Variants in PCBP3 observed in about 807,000 individuals in gnomAD.
The protein encoded by PCBP3 is poly(rC) binding protein 3.
Under a neutral mutation model 52.7 loss-of-function variants are expected in PCBP3, and 25 were observed. The observed-to-expected ratio is 0.47, with a 90% CI of 0.35 to 0.66. The LOEUF is 0.66. Ranked by LOEUF, PCBP3 falls within the 30% of genes least tolerant of loss-of-function variation. The pLI, the probability that PCBP3 is intolerant of heterozygous loss-of-function variation, is 0.01. For missense variants in PCBP3, 391 were observed against 490.3 expected, an observed-to-expected ratio of 0.80 and a Z score of 1.91; for synonymous variants, 162 against 183.0, an observed-to-expected ratio of 0.89 and a Z score of 0.93.
Position 45,668,966 on chromosome 21 carries a change from A to G in PCBP3, c.-200+14A>G, listed in dbSNP as rs1043374205. ...TATCCTCTGGAGGTAATCTATTGCC[A>G]TAAAGGATTTTCCAATTATCCTTAG... On this transcript the variant is annotated intron_variant, in intron 2 of 17. Transcript: ENST00000681687. 2.6e-5 allele frequency: 4 copies of G among 152,196 alleles called. No individual in the cohort carries two copies. Among genetic ancestry groups the G allele is most frequent in the Non-Finnish European group, 4.4e-5 (3 of 68,036 alleles). The allele number at this position is 152,196 out of a possible 1,614,324, so 9.4% of individuals were successfully genotyped here.
chr21:45,700,615 C>T (rs1276890183), intron 2 of PCBP3, among the ~76,000 whole-genome samples: 4 of 152,060 alleles, frequency 2.6e-5, no homozygotes, highest in Non-Finnish European at 4.4e-5. Context: ...TTTTTTTCTC[C>T]ACTGCGCAGT....
intron 4 of PCBP3, among the ~76,000 whole-genome samples, chr21:45,840,313 C>T (rs1422633482): frequency 2.6e-5 from 4 of 151,472 alleles, no homozygotes; most frequent in East Asian, 2.0e-4. Flanking sequence ...AAAAATTAGC[C>T]AGGCATGGTG....
chr21:45,650,866 CA>C (rs201429927), intron 1 of PCBP3, among the ~76,000 whole-genome samples: 2,180 of 152,270 alleles, frequency 0.014, 51 homozygotes, highest in African/African-American at 0.05. Flanking sequence ...CCATTCTGCT[CA>C]CATTTCATTG....
intron 6 of PCBP3, among the ~76,000 whole-genome samples, chr21:45,896,814 C>A (rs1380270935): frequency 6.7e-6 from 1 of 148,820 alleles, no homozygotes; most frequent in African/African-American, 2.5e-5. Context: ...GAAAGGCAGA[C>A]ATGGCACATA....
chr21:45,650,776 C>T (rs1028797736), intron 1 of PCBP3, among the ~76,000 whole-genome samples: 10 of 152,148 alleles, frequency 6.6e-5, no homozygotes, highest in Non-Finnish European at 1.2e-4. Flanking sequence ...AAAATCGATT[C>T]TTAAATGGTC....
chr21:45,713,781 G>A (rs190701487), intron 2 of PCBP3, among the ~76,000 whole-genome samples: 3 of 152,362 alleles, frequency 2.0e-5, no homozygotes, highest in Admixed American at 2.0e-4. Flanking sequence ...GCAGCCATGT[G>A]AGTCTGCTTC....
At chr21:45,893,027 A>T (rs1447295026) in intron 5 of PCBP3, among the ~76,000 whole-genome samples, 1 of 151,994 alleles carries the variant, frequency 6.6e-6, no homozygotes, top group African/African-American at 2.4e-5. Flanking sequence ...GGGAAGCCCC[A>T]TGAGGAGGGA....
chr21:45,670,306 T>G (rs2081092367), intron 2 of PCBP3, among the ~76,000 whole-genome samples: 1 of 152,142 alleles, frequency 6.6e-6, no homozygotes, highest in Non-Finnish European at 1.5e-5. Flanking sequence ...ATTGGGTTGT[T>G]TGGGTTTTTG....
intron 4 of PCBP3, among the ~76,000 whole-genome samples, chr21:45,812,317 T>C (rs1316214844): frequency 6.6e-6 from 1 of 152,188 alleles, no homozygotes; most frequent in Non-Finnish European, 1.5e-5. Context: ...TTATACTGTT[T>C]TCTGTTTTTG....
chr21:45,764,011 GA>G (rs531539523), intron 4 of PCBP3, among the ~76,000 whole-genome samples: 4 of 151,394 alleles, frequency 2.6e-5, no homozygotes, highest in African/African-American at 4.9e-5. Context: ...AACATCTGCA[GA>G]AAAAAAATAG....
At chr21:45,781,775 G>A (rs980782071) in intron 4 of PCBP3, among the ~76,000 whole-genome samples, 2 of 152,212 alleles carry the variant, frequency 1.3e-5, no homozygotes, top group Admixed American at 6.5e-5. Context: ...TGAGTGAAGT[G>A]TATCCATATA....
At chr21:45,923,465 T>C (rs936718800) in intron 13 of PCBP3, among the ~76,000 whole-genome samples, 1 of 152,206 alleles carries the variant, frequency 6.6e-6, no homozygotes, top group African/African-American at 2.4e-5. Context: ...TTTCCTTGCT[T>C]GGAACACCGC....
chr21:45,648,769 C>T (rs2079491382), intron 1 of PCBP3, among the ~76,000 whole-genome samples: 1 of 152,190 alleles, frequency 6.6e-6, no homozygotes, highest in Admixed American at 6.5e-5. Context: ...TCTACCCATA[C>T]TTTGGCCACT....
intron 2 of PCBP3, among the ~76,000 whole-genome samples, chr21:45,714,827 G>T (rs752095638): frequency 2.6e-5 from 4 of 152,104 alleles, no homozygotes; most frequent in Non-Finnish European, 5.9e-5. Flanking sequence ...AGACTATTTT[G>T]GAGGCACGTT....
At chr21:45,882,791 CGT>C (rs1569428318) in intron 5 of PCBP3, among the ~76,000 whole-genome samples, 1 of 152,148 alleles carries the variant, frequency 6.6e-6, no homozygotes, top group African/African-American at 2.4e-5. Flanking sequence ...TGTCCTTCCC[CGT>C]GTGTGTTCCT....
At chr21:45,792,289 G>A (rs2091650828) in intron 4 of PCBP3, among the ~76,000 whole-genome samples, 1 of 152,286 alleles carries the variant, frequency 6.6e-6, no homozygotes, top group East Asian at 1.9e-4. Flanking sequence ...GAACCGCTGG[G>A]GCAGCCTTGG....
intron 4 of PCBP3, among the ~76,000 whole-genome samples, chr21:45,842,550 G>A (rs945791155): frequency 6.6e-6 from 1 of 152,102 alleles, no homozygotes; most frequent in African/African-American, 2.4e-5. Flanking sequence ...GTTGGCCTCT[G>A]TTGATTTTCT....
intron 8 of PCBP3, 58 bp from the exon 9 acceptor site, chr21:45,900,939 G>A (rs866593125): frequency 3.6e-5 from 45 of 1,261,088 alleles, no homozygotes; most frequent in Admixed American, 3.5e-4. Flanking sequence ...TGCGGCCCCC[G>A]ACCCACTGGC....
chr21:45,672,459 G>A (rs2081231750), intron 2 of PCBP3, among the ~76,000 whole-genome samples: 1 of 151,974 alleles, frequency 6.6e-6, no homozygotes, highest in African/African-American at 2.4e-5. Context: ...GGGTTGTTTT[G>A]ACAGTCACTG....
Sources: gnomAD v4.1 joint callset for allele counts (sites outside exome capture counted in the v4.1 genomes callset) on GRCh38, gnomAD v4.1.1 for gene constraint, MANE v1.5 for transcripts, NCBI Gene and HGNC (gene_info 2026-07-23, HGNC 2026-07-21) for gene names.